The following ITGA9 variants were observed in gnomAD, a reference collection of about 807,000 sequenced individuals.
The protein encoded by ITGA9 is integrin alpha-9.
A neutral mutation model predicts 127.8 loss-of-function variants in ITGA9; 56 were observed. The ratio of observed to expected loss-of-function variants is 0.44; its 90% CI spans 0.35 to 0.55. The LOEUF is 0.55. ITGA9 is among the 20% of genes least tolerant of loss of function. The pLI is 0.00. For missense variants in ITGA9, 1,196 were observed against 1,347.1 expected (o/e 0.89, Z 1.76); for synonymous variants, 508 against 514.5 (o/e 0.99, Z 0.17).
chr3:37,789,017 T>C (rs1486044319), intron 26 of ITGA9, among the ~76,000 whole-genome samples: 2 of 152,160 alleles, frequency 1.3e-5, no homozygotes, highest in Admixed American at 6.5e-5. Context: ...CAAAATAAAA[T>C]AAATCCTCAA....
Position 37,823,237 on chromosome 3 carries a change from G to A in ITGA9, c.*4248G>A, listed in dbSNP as rs1442913786. On this transcript the variant is annotated 3_prime_UTR_variant, in exon 28 of 28. Coordinates refer to ENST00000264741, the MANE Select transcript of ITGA9 (RefSeq NM_002207.3). ...TTGATGTTGTTGTTTTAATTCTAAT[G>A]TGCACGGTGTGACTGGCAGAGTGAG... 6.6e-6 allele frequency: 1 copy of A among 152,206 alleles called. No individual in the cohort carries two copies. Among genetic ancestry groups the A allele is most frequent in the Non-Finnish European group, 1.5e-5 (1 of 68,044 alleles). 9.4% of individuals were successfully genotyped at this position (152,206 alleles called of 1,614,324 possible).
intron 17 of ITGA9, among the ~76,000 whole-genome samples, chr3:37,662,992 G>C (rs957007048): frequency 6.6e-6 from 1 of 152,196 alleles, no homozygotes; most frequent in Admixed American, 6.5e-5. Flanking sequence ...ATTCATGGAT[G>C]TTTTTATTTT....
chr3:37,608,452 C>T (rs1189986727), intron 15 of ITGA9, among the ~76,000 whole-genome samples: 1 of 136,356 alleles, frequency 7.3e-6, no homozygotes, highest in Non-Finnish European at 1.7e-5. Flanking sequence ...AACAAACAAA[C>T]AAAACTGTTT....
chr3:37,654,704 A>G (rs1186691420), intron 17 of ITGA9, among the ~76,000 whole-genome samples: 1 of 152,026 alleles, frequency 6.6e-6, no homozygotes, highest in East Asian at 1.9e-4. Context: ...CATTTTTTTT[A>G]TTGTTATACT....
At chr3:37,710,447 A>C (rs529249797) in intron 18 of ITGA9, among the ~76,000 whole-genome samples, 1 of 152,118 alleles carries the variant, frequency 6.6e-6, no homozygotes, top group South Asian at 2.1e-4. Flanking sequence ...ATAACGTCGG[A>C]GGATGAACCC....
intron 23 of ITGA9, among the ~76,000 whole-genome samples, chr3:37,775,929 C>T (rs114014444): frequency 0.031 from 4,675 of 152,224 alleles, 98 homozygotes; most frequent in Non-Finnish European, 0.047. Context: ...ATGGAATCAA[C>T]CTAAATACCC....
Position 37,821,468 on chromosome 3 carries a change from T to C in ITGA9, c.*2479T>C, listed in dbSNP as rs1697514230. The C allele has an allele frequency of 6.6e-6, 1 of 152,194 alleles. No individual in the cohort carries two copies. 9.4% of individuals were successfully genotyped at this position (152,194 alleles called of 1,614,324 possible). A position where few individuals can be genotyped will look rare whatever the true frequency, so the allele number is the denominator to read the frequency against. On this transcript the variant is annotated 3_prime_UTR_variant, in exon 28 of 28. Transcript: ENST00000264741. ...TTGAATGGGATGCCATTTGCAGCTT[T>C]CCTTTGATGGACTCTTGTTCATAAT...
intron 4 of ITGA9, among the ~76,000 whole-genome samples, chr3:37,487,268 G>A (rs1698619487): frequency 6.6e-6 from 1 of 152,164 alleles, no homozygotes; most frequent in Non-Finnish European, 1.5e-5. Context: ...AAAGAGAAGA[G>A]GATGCAGTTG....
intron 16 of ITGA9, among the ~76,000 whole-genome samples, chr3:37,642,342 G>A (rs553944034): frequency 2.5e-4 from 38 of 152,340 alleles, no homozygotes; most frequent in Admixed American, 8.5e-4. Flanking sequence ...AGCCCAGTGA[G>A]GGAAGGGATC....
intron 18 of ITGA9, among the ~76,000 whole-genome samples, chr3:37,724,166 GCTGT>G (rs1701220913): frequency 6.6e-6 from 1 of 152,094 alleles, no homozygotes; most frequent in Non-Finnish European, 1.5e-5. Flanking sequence ...TTCCCCTGGT[GCTGT>G]CTCTCTTGGT....
At chr3:37,784,355 G>T (rs1697013628) in intron 25 of ITGA9, among the ~76,000 whole-genome samples, 1 of 152,138 alleles carries the variant, frequency 6.6e-6, no homozygotes. Flanking sequence ...GCCTCTGGCT[G>T]GGGGGTGATT....
In ITGA9 at chr3:37,741,902, C is replaced by G. The variant is rs915019622; in HGVS notation, c.2324+83C>G. ...TGCTTCTCATATTTGCATGTGTAGC[C>G]AGCCAGGAGCCAAGGGCTGTGCCAC... On this transcript the variant is annotated intron_variant, in intron 21 of 27. Coordinates refer to ENST00000264741, the MANE Select transcript of ITGA9 (RefSeq NM_002207.3). The G allele has an allele frequency of 4.5e-6, 5 of 1,108,608 alleles. No individual in the cohort carries two copies. The African/African-American group carries it at 7.7e-5, about 17-fold the overall frequency. 68.7% of individuals were successfully genotyped at this position (1,108,608 alleles called of 1,614,324 possible).
intron 23 of ITGA9, among the ~76,000 whole-genome samples, chr3:37,771,677 C>G (rs1376260758): frequency 6.6e-6 from 1 of 152,226 alleles, no homozygotes; most frequent in Non-Finnish European, 1.5e-5. Flanking sequence ...ACTGCATGAT[C>G]TCGCAGCTGC....
chr3:37,644,110 T>C (rs1379928290), intron 16 of ITGA9, among the ~76,000 whole-genome samples: 2 of 152,154 alleles, frequency 1.3e-5, no homozygotes, highest in Admixed American at 6.5e-5. Flanking sequence ...AGTTTTGAGC[T>C]GAAATGAAAA....
chr3:37,520,821 C>T (rs115374893), intron 11 of ITGA9, among the ~76,000 whole-genome samples: 280 of 152,290 alleles, frequency 1.8e-3, no homozygotes, highest in African/African-American at 6.0e-3. Context: ...GCCCCGTGCT[C>T]GGGCAGCGGT....
intron 15 of ITGA9, among the ~76,000 whole-genome samples, chr3:37,578,775 A>G (rs962340023): frequency 6.6e-6 from 1 of 152,072 alleles, no homozygotes; most frequent in Non-Finnish European, 1.5e-5. Flanking sequence ...CTATTTCTGT[A>G]TCCAGGTCCC....
At chr3:37,682,275 G>A (rs935351538) in intron 17 of ITGA9, among the ~76,000 whole-genome samples, 3 of 152,008 alleles carry the variant, frequency 2.0e-5, no homozygotes, top group Non-Finnish European at 1.5e-5. Context: ...TCCTCCCATC[G>A]TGCCACTTCA....
chr3:37,470,012 G>T (rs1296212799), intron 1 of ITGA9, among the ~76,000 whole-genome samples: 2 of 152,202 alleles, frequency 1.3e-5, no homozygotes, highest in Non-Finnish European at 2.9e-5. Context: ...GCCCAGACTG[G>T]TCTTGAACTC....
At chr3:37,482,137 A>G (rs1220395487) in intron 4 of ITGA9, among the ~76,000 whole-genome samples, 1 of 152,190 alleles carries the variant, frequency 6.6e-6, no homozygotes, top group Non-Finnish European at 1.5e-5. Flanking sequence ...CCCAGGATTC[A>G]TAAAGCAACA....
Sources: gnomAD v4.1 joint callset for allele counts (sites outside exome capture counted in the v4.1 genomes callset) on GRCh38, gnomAD v4.1.1 for gene constraint, MANE v1.5 for transcripts, NCBI Gene and HGNC (gene_info 2026-07-23, HGNC 2026-07-21) for gene names.